Variants in KCMF1 observed in about 807,000 individuals in gnomAD.
The protein encoded by KCMF1 is E3 ubiquitin-protein ligase KCMF1.
KCMF1 carries 3 observed loss-of-function variants against 41.1 expected under a neutral mutation model. The observed-to-expected ratio is 0.07, with a 90% CI of 0.03 to 0.19. The LOEUF (loss-of-function observed/expected upper bound fraction) is 0.19. Among genes scored for constraint, KCMF1 ranks in the 10% least tolerant of loss-of-function variants. The pLI is 1.00. For synonymous variants in KCMF1, 142 were observed against 164.5 expected, an observed-to-expected ratio of 0.86 and a Z score of 1.04; for missense variants, 286 against 488.9, an observed-to-expected ratio of 0.58 and a Z score of 3.91.
intron 1 of KCMF1, among the ~76,000 whole-genome samples, chr2:84,980,185 G>A (rs1396432594): frequency 6.6e-6 from 1 of 152,104 alleles, no homozygotes; most frequent in Non-Finnish European, 1.5e-5. Flanking sequence ...TCTGGGATAA[G>A]GCAGACAGTT....
Position 85,026,497 on chromosome 2 carries a change from T to TA in KCMF1, c.17-1392_17-1391insA, listed in dbSNP as rs61254936. On this transcript the variant is annotated intron_variant, in intron 1 of 6. Coordinates refer to ENST00000409785, the MANE Select transcript of KCMF1 (RefSeq NM_020122.5). ...TTATTATTATTATTATTATTATTAT[T>TA]TTTATTTTTTCCAGACAGGGTCTTG... 9.2e-3 allele frequency among the ~76,000 whole-genome samples: 1,366 copies of TA among 147,714 alleles called. 25 individuals are homozygous for TA. Among genetic ancestry groups the TA allele is most frequent in the African/African-American group, 0.032 (1,296 of 40,358 alleles).
At chr2:85,003,324 A>C (rs1264844685) in intron 1 of KCMF1, among the ~76,000 whole-genome samples, 1 of 152,154 alleles carries the variant, frequency 6.6e-6, no homozygotes, top group South Asian at 2.1e-4. Flanking sequence ...AAAAGAAAAA[A>C]AAAATTAGCC....
chr2:85,008,298 A>ATATTATAATATGATATATAATATATATC lies in KCMF1; in HGVS notation c.17-19591_17-19590insTATTATAATATGATATATAATATATATC, dbSNP rs1558573393. Among the ~76,000 whole-genome samples, 92 of 77,914 alleles carry ATATTATAATATGATATATAATATATATC rather than the reference A, an allele frequency of 1.2e-3. 1 individual carries two copies. The highest frequency in any genetic ancestry group is 5.8e-3 in the African/African-American group (90 of 15,502). 51.1% of individuals were successfully genotyped at this position (77,914 alleles called of 152,430 possible). On this transcript the variant is annotated intron_variant, in intron 1 of 6. Coordinates refer to ENST00000409785, the MANE Select transcript of KCMF1 (RefSeq NM_020122.5). ...ATATAATATGATATATAATATATATAATATATAATATGATATATATATCAT... is the reference window on the plus strand; with the variant it reads ...ATATAATATGATATATAATATATATATATTATAATATGATATATAATATATATCATATATAATATGATATATATATCAT...
intron 1 of KCMF1, among the ~76,000 whole-genome samples, chr2:84,973,863 C>T (rs1427890504): frequency 7.9e-6 from 1 of 126,940 alleles, no homozygotes; most frequent in Non-Finnish European, 1.6e-5. Flanking sequence ...GAGTCTCACT[C>T]TGTCACCAGG....
intron 1 of KCMF1, among the ~76,000 whole-genome samples, chr2:85,014,680 C>T (rs116564794): frequency 0.012 from 1,797 of 150,196 alleles, 44 homozygotes; most frequent in African/African-American, 0.043. Flanking sequence ...AACTGAATTG[C>T]ACATGTATAT....
At chr2:84,988,423 A>G (rs1673955636) in intron 1 of KCMF1, among the ~76,000 whole-genome samples, 1 of 152,226 alleles carries the variant, frequency 6.6e-6, no homozygotes, top group Non-Finnish European at 1.5e-5. Context: ...CAGTCCTATG[A>G]GATATGTATC....
At position 85,053,270 on chromosome 2, in the gene KCMF1, C is replaced by T; in HGVS notation, c.1007C>T (p.Ser336Leu). 1 of 1,613,970 alleles carries T rather than the reference C, an allele frequency of 6.2e-7. No individual in the cohort carries two copies. The highest frequency in any genetic ancestry group is 8.5e-7 in the Non-Finnish European group (1 of 1,179,896). ...STLVREESSS[S>L]DEDDRGEMAD... is the part of the protein sequence containing the mutation. ...TTAGTGCGTGAAGAGAGCTCATCCT[C>T]AGATGAGGATGATCGGGGGGAGATG... is the stretch of plus-strand genomic sequence containing the variant. Residue 336 changes from serine to leucine, a missense_variant, in exon 7 of 7, where the codon TCA becomes TTA. Physicochemically the swap from Ser to Leu is moderately radical, Grantham distance 145. Around this residue, in one of 2 missense-constraint regions of KCMF1, gnomAD observed 191 missense variants for 279.3 expected, o/e 0.68. Transcript: ENST00000409785.
At chr2:84,972,683 T>C (rs1486000112) in intron 1 of KCMF1, among the ~76,000 whole-genome samples, 1 of 152,210 alleles carries the variant, frequency 6.6e-6, no homozygotes, top group Non-Finnish European at 1.5e-5. Flanking sequence ...AATACGGACC[T>C]TAGAATTTCA....
At chr2:85,039,653 G>A (rs17761664) in intron 3 of KCMF1, among the ~76,000 whole-genome samples, 2,008 of 152,206 alleles carry the variant, frequency 0.013, 20 homozygotes, top group Non-Finnish European at 0.018. Context: ...ACGTTCTTGG[G>A]ATGGGACCTC....
chr2:85,010,378 A>G (rs1674623191), intron 1 of KCMF1, among the ~76,000 whole-genome samples: 1 of 152,210 alleles, frequency 6.6e-6, no homozygotes, highest in Non-Finnish European at 1.5e-5. Flanking sequence ...CTGAGGCATG[A>G]GAATTGCTTG....
chr2:85,003,020 C>T (rs189647131), intron 1 of KCMF1, among the ~76,000 whole-genome samples: 1 of 152,252 alleles, frequency 6.6e-6, no homozygotes, highest in East Asian at 1.9e-4. Flanking sequence ...GTTATTAATG[C>T]AATCTAAGCT....
At chr2:85,048,321 T>C (rs376237279) in intron 5 of KCMF1, among the ~76,000 whole-genome samples, 26 of 152,336 alleles carry the variant, frequency 1.7e-4, no homozygotes, top group African/African-American at 6.3e-4. Context: ...TGGCAGGCAC[T>C]AAAAATTAAA....
intron 6 of KCMF1, among the ~76,000 whole-genome samples, chr2:85,051,565 G>C (rs1031124493): frequency 2.0e-5 from 3 of 151,980 alleles, no homozygotes; most frequent in Non-Finnish European, 4.4e-5. Flanking sequence ...GTAGCTTCTT[G>C]AAATCCCCCT....
intron 3 of KCMF1, among the ~76,000 whole-genome samples, chr2:85,041,718 A>G (rs1467279131): frequency 6.6e-6 from 1 of 151,448 alleles, no homozygotes; most frequent in East Asian, 1.9e-4. Flanking sequence ...TTTTATTTTT[A>G]AATAACTGGA....
chr2:84,982,509 C>T (rs1673790664), intron 1 of KCMF1, among the ~76,000 whole-genome samples: 1 of 137,336 alleles, frequency 7.3e-6, no homozygotes, highest in African/African-American at 2.7e-5. Flanking sequence ...TCAAGTGATT[C>T]TCCTGCCTCA....
chr2:85,019,352 A>G (rs1350778183), intron 1 of KCMF1, among the ~76,000 whole-genome samples: 1 of 152,206 alleles, frequency 6.6e-6, no homozygotes, highest in Non-Finnish European at 1.5e-5. Flanking sequence ...GTATTGAGTG[A>G]GAGTCATTCT....
chr2:85,039,227 A>G (rs1219745628), intron 3 of KCMF1, among the ~76,000 whole-genome samples: 2 of 152,370 alleles, frequency 1.3e-5, no homozygotes, highest in East Asian at 1.9e-4. Flanking sequence ...AACTTTACCA[A>G]CTTACCTGGA....
intron 1 of KCMF1, among the ~76,000 whole-genome samples, chr2:84,977,570 G>A (rs1275800567): frequency 6.6e-6 from 1 of 150,810 alleles, no homozygotes; most frequent in African/African-American, 2.4e-5. Flanking sequence ...ACAGGTGTGC[G>A]CCCCACACCC....
chr2:85,008,263 CAT>C (rs1299725094), intron 1 of KCMF1, among the ~76,000 whole-genome samples: 5 of 68,830 alleles, frequency 7.3e-5, no homozygotes, highest in South Asian at 4.0e-4. Flanking sequence ...TATTATATAT[CAT>C]ATATAATATA....
Sources: gnomAD v4.1 joint callset for allele counts (sites outside exome capture counted in the v4.1 genomes callset) on GRCh38, gnomAD v4.1.1 for gene constraint, gnomAD v4.1.1 regional missense constraint, MANE v1.5 for transcripts, NCBI Gene and HGNC (gene_info 2026-07-23, HGNC 2026-07-21) for gene names.